FBXO36: variants seen among roughly 807,000 people sequenced by gnomAD.
FBXO36 encodes the protein F-box only protein 36.
FBXO36 carries 18 observed loss-of-function variants against 17.0 expected under a neutral mutation model. The ratio of observed to expected loss-of-function variants is 1.06; its 90% CI spans 0.73 to 1.57. FBXO36 has a LOEUF of 1.57. FBXO36 is among the 40% of genes most tolerant of loss of function. The pLI is 0.00. For missense variants in FBXO36, 229 were observed against 221.9 expected, an observed-to-expected ratio of 1.03 and a Z score of -0.20; for synonymous variants, 83 against 85.3, an observed-to-expected ratio of 0.97 and a Z score of 0.15.
At position 229,976,223 on chromosome 2, in the gene FBXO36, C is replaced by G; in HGVS notation, c.97-18C>G. On this transcript the variant is annotated intron_variant, in intron 1 of 3. Coordinates refer to ENST00000283946, the MANE Select transcript of FBXO36 (RefSeq NM_174899.5). Reference sequence around the variant, plus strand: ...TTGAAATCAATTTTAATTCATATCACTTTGTATTTAATTATAGGTAATCTT... The same window carrying G: ...TTGAAATCAATTTTAATTCATATCAGTTTGTATTTAATTATAGGTAATCTT... 1 of 1,554,816 alleles carries G rather than the reference C, an allele frequency of 6.4e-7. No individual in the cohort carries two copies. The highest frequency in any genetic ancestry group is 8.7e-7 in the Non-Finnish European group (1 of 1,144,258).
At chr2:229,990,201 A>C (rs1323972981) in intron 2 of FBXO36, among the ~76,000 whole-genome samples, 1 of 149,670 alleles carries the variant, frequency 6.7e-6, no homozygotes, top group African/African-American at 2.4e-5. Flanking sequence ...CAATAGGGTC[A>C]TTGTGAGGGT....
intron 1 of FBXO36, among the ~76,000 whole-genome samples, chr2:229,956,794 CAA>C (rs1406161891): frequency 2.6e-5 from 4 of 152,122 alleles, no homozygotes; most frequent in African/African-American, 4.8e-5. Context: ...AGGAAAAGGT[CAA>C]AGAGACTAGT....
intron 1 of FBXO36, among the ~76,000 whole-genome samples, chr2:229,928,102 A>G (rs540550639): frequency 1.3e-5 from 2 of 152,332 alleles, no homozygotes; most frequent in South Asian, 2.1e-4. Context: ...GTGCACAAGG[A>G]TATGTGAGCA....
chr2:229,934,170 G>A (rs1210447547), intron 1 of FBXO36, among the ~76,000 whole-genome samples: 1 of 152,040 alleles, frequency 6.6e-6, no homozygotes, highest in Non-Finnish European at 1.5e-5. Flanking sequence ...GGGAGGCTGA[G>A]GCGAGTGGAT....
rs181303690 is a variant in FBXO36, at chr2:229,951,428, G to A, written c.97-24813G>A. 2.0e-5 allele frequency among the ~76,000 whole-genome samples: 3 copies of A among 151,860 alleles called. No homozygotes were observed. In the East Asian group the frequency reaches 5.8e-4, roughly 29 times the overall value. On this transcript the variant is annotated intron_variant, in intron 1 of 3. Transcript: ENST00000283946. ...CTGGCTAAGTTTTGTATTTTTAGTAGAGATGGGGTTTCATCGTGTTGGTCA... is the reference window on the plus strand; with the variant it reads ...CTGGCTAAGTTTTGTATTTTTAGTAAAGATGGGGTTTCATCGTGTTGGTCA...
intron 1 of FBXO36, among the ~76,000 whole-genome samples, chr2:229,958,363 T>C (rs1364349922): frequency 1.4e-5 from 2 of 145,996 alleles, no homozygotes; most frequent in Non-Finnish European, 3.0e-5. Context: ...CTCCACCTCC[T>C]GGGTTCAAGC....
chr2:229,933,096 A>T lies in FBXO36; in HGVS notation c.96+10487A>T, dbSNP rs551733069. Among the ~76,000 whole-genome samples, 8 of 152,292 alleles carry T rather than the reference A, an allele frequency of 5.3e-5. No individual in the cohort carries two copies. The East Asian group carries it at 1.4e-3, about 26-fold the overall frequency. On this transcript the variant is annotated intron_variant, in intron 1 of 3. Transcript: ENST00000283946. ...AAAAAAAGAAAAAAATTGAGTTTGC[A>T]TCGAAGATTGTATATTAGAGGCTGG...
intron 2 of FBXO36, among the ~76,000 whole-genome samples, chr2:229,989,669 C>T (rs2077288357): frequency 6.6e-6 from 1 of 151,074 alleles, no homozygotes; most frequent in Admixed American, 6.6e-5. Flanking sequence ...TCAAGCAGTT[C>T]TCTGCCTCAG....
intron 1 of FBXO36, among the ~76,000 whole-genome samples, chr2:229,952,853 G>T (rs55953045): frequency 0.017 from 2,639 of 152,246 alleles, 50 homozygotes; most frequent in Non-Finnish European, 0.024. Flanking sequence ...CCTGATGCTG[G>T]CCAGTAGATC....
At chr2:229,960,937 C>T (rs1381224015) in intron 1 of FBXO36, among the ~76,000 whole-genome samples, 5 of 152,126 alleles carry the variant, frequency 3.3e-5, no homozygotes, top group African/African-American at 1.2e-4. Context: ...GATGAAACCC[C>T]AACTCTACTA....
At chr2:229,956,797 A>G (rs1297972768) in intron 1 of FBXO36, among the ~76,000 whole-genome samples, 5 of 152,190 alleles carry the variant, frequency 3.3e-5, no homozygotes, top group Non-Finnish European at 5.9e-5. Flanking sequence ...AAAAGGTCAA[A>G]GAGACTAGTT....
chr2:229,995,784 G>C (rs2077323990), intron 2 of FBXO36, among the ~76,000 whole-genome samples: 1 of 151,520 alleles, frequency 6.6e-6, no homozygotes, highest in Admixed American at 6.6e-5. Context: ...TAGAGACAGG[G>C]TTTCTCCATG....
intron 1 of FBXO36, among the ~76,000 whole-genome samples, chr2:229,946,375 A>G (rs1038001825): frequency 2.0e-5 from 3 of 152,148 alleles, no homozygotes; most frequent in Non-Finnish European, 2.9e-5. Flanking sequence ...GCTTTCCCCA[A>G]TCTTTGCCTA....
At chr2:229,950,753 T>C (rs1324689599) in intron 1 of FBXO36, among the ~76,000 whole-genome samples, 5 of 816 alleles carry the variant, frequency 6.1e-3, no homozygotes, top group Non-Finnish European at 0.022. Flanking sequence ...TTCAGGCTAC[T>C]TTTTTTTTTT....
chr2:229,926,591 A>G (rs1199388457), intron 1 of FBXO36, among the ~76,000 whole-genome samples: 1 of 151,472 alleles, frequency 6.6e-6, no homozygotes, highest in African/African-American at 2.4e-5. Context: ...TAAAAATAAA[A>G]AAATTAGCTG....
intron 1 of FBXO36, among the ~76,000 whole-genome samples, chr2:229,922,986 C>A (rs1382480679): frequency 6.6e-6 from 1 of 152,192 alleles, no homozygotes; most frequent in Non-Finnish European, 1.5e-5. Context: ...CCAAGTGTCC[C>A]AAGGAGGAGC....
intron 1 of FBXO36, among the ~76,000 whole-genome samples, chr2:229,950,488 G>T (rs182347219): frequency 8.0e-4 from 122 of 152,258 alleles, no homozygotes; most frequent in Non-Finnish European, 1.5e-3. Context: ...GTGCAGGATA[G>T]TGAGGGAGGA....
chr2:230,003,614 C>A (rs1270820476), intron 3 of FBXO36, among the ~76,000 whole-genome samples: 1 of 151,982 alleles, frequency 6.6e-6, no homozygotes, highest in Admixed American at 6.6e-5. Flanking sequence ...CTCACTGCAA[C>A]CTCCACCTCC....
chr2:229,941,935 G>A (rs1259228190), intron 1 of FBXO36, among the ~76,000 whole-genome samples: 3 of 152,012 alleles, frequency 2.0e-5, no homozygotes, highest in East Asian at 3.9e-4. Flanking sequence ...AGAATTGCTT[G>A]AACCCAGGAG....
Sources: gnomAD v4.1 joint callset for allele counts (sites outside exome capture counted in the v4.1 genomes callset) on GRCh38, gnomAD v4.1.1 for gene constraint, MANE v1.5 for transcripts, NCBI Gene and HGNC (gene_info 2026-07-23, HGNC 2026-07-21) for gene names.